FAT3: variants seen among roughly 807,000 people sequenced by gnomAD.
The protein encoded by FAT3 is protocadherin Fat 3.
In FAT3, 95 loss-of-function variants were observed where a neutral mutation model predicts 310.2. That is an observed-to-expected ratio of 0.31 (90% CI 0.26 to 0.36). The LOEUF (loss-of-function observed/expected upper bound fraction) is 0.36, where lower values mean the gene tolerates loss of function less well. FAT3 is among the 10% of genes least tolerant of loss of function. The probability of loss-of-function intolerance (pLI) is 1.00; values close to 1 mark genes in which losing one functional copy is unlikely to be tolerated. For synonymous variants in FAT3, 2,314 were observed against 2,192.9 expected (o/e 1.06, Z -1.54); for missense variants, 5,408 against 5,715.6 (o/e 0.95, Z 1.74).
At chr11:92,757,227 T>C (rs1946026349) in intron 4 of FAT3, among the ~76,000 whole-genome samples, 1 of 152,122 alleles carries the variant, frequency 6.6e-6, no homozygotes, top group African/African-American at 2.4e-5. Flanking sequence ...CCCGGCCTAT[T>C]TGTGGCTCCT....
intron 3 of FAT3, among the ~76,000 whole-genome samples, chr11:92,531,826 T>C (rs1201376150): frequency 6.6e-6 from 1 of 152,150 alleles, no homozygotes; most frequent in Non-Finnish European, 1.5e-5. Flanking sequence ...ACCTCGATAC[T>C]GTGGATGTTT....
chr11:92,580,829 G>C (rs919629903), intron 3 of FAT3, among the ~76,000 whole-genome samples: 12 of 151,984 alleles, frequency 7.9e-5, no homozygotes, highest in Admixed American at 1.3e-4. Flanking sequence ...CACCTCATCT[G>C]AGCCTACATG....
intron 3 of FAT3, among the ~76,000 whole-genome samples, chr11:92,594,921 A>C (rs1254649873): frequency 6.6e-6 from 1 of 152,138 alleles, no homozygotes; most frequent in Non-Finnish European, 1.5e-5. Context: ...TGGTTAGCTT[A>C]AAATAAAGTA....
chr11:92,262,340 G>C (rs1246107322), intron 1 of FAT3, among the ~76,000 whole-genome samples: 3 of 152,070 alleles, frequency 2.0e-5, no homozygotes, highest in Non-Finnish European at 4.4e-5. Flanking sequence ...TTGCTTCAAT[G>C]GTTCTTTTGA....
intron 10 of FAT3, 22 bp from the exon 11 acceptor site, chr11:92,805,131 T>G: frequency 6.3e-7 from 1 of 1,599,816 alleles, no homozygotes; most frequent in Non-Finnish European, 8.5e-7. Context: ...CTTCAAAAGC[T>G]CTTTTGTTTT....
intron 3 of FAT3, among the ~76,000 whole-genome samples, chr11:92,556,500 T>C (rs184285442): frequency 2.9e-4 from 44 of 152,296 alleles, no homozygotes; most frequent in African/African-American, 1.1e-3. Context: ...ATCCTTTGGT[T>C]CTCTTTTTCT....
chr11:92,598,926 C>G (rs1480255031), intron 3 of FAT3, among the ~76,000 whole-genome samples: 1 of 152,146 alleles, frequency 6.6e-6, no homozygotes, highest in African/African-American at 2.4e-5. Context: ...AAAATAAATA[C>G]TCAATGAATG....
intron 3 of FAT3, among the ~76,000 whole-genome samples, chr11:92,653,026 G>T (rs1358043801): frequency 6.6e-6 from 1 of 152,154 alleles, no homozygotes; most frequent in Non-Finnish European, 1.5e-5. Context: ...GGGCATGGTG[G>T]CACATGCCTG....
intron 1 of FAT3, among the ~76,000 whole-genome samples, chr11:92,325,028 A>G (rs958602121): frequency 1.3e-5 from 2 of 152,228 alleles, no homozygotes; most frequent in African/African-American, 2.4e-5. Flanking sequence ...CGTTTCAAAC[A>G]TGCTAGTTAA....
chr11:92,475,390 T>C (rs748018950), intron 2 of FAT3, among the ~76,000 whole-genome samples: 1 of 152,098 alleles, frequency 6.6e-6, no homozygotes, highest in Admixed American at 6.6e-5. Context: ...TGATGAACAA[T>C]AGATGTGGAT....
rs143124200 is a variant in FAT3 at position 92,860,573 on chromosome 11, C to T, written c.11658+1251C>T. Among the ~76,000 whole-genome samples, 7 of 152,178 alleles carry T rather than the reference C, an allele frequency of 4.6e-5. No individual in the cohort carries two copies. The East Asian group carries it at 1.3e-3, about 29-fold the overall frequency. On this transcript the variant is annotated intron_variant, in intron 21 of 27. Transcript: ENST00000525166. ...TCTTCAGAAACATTCAGAGTCCGTC[C>T]AGTGGAAAATGCCTTTTCACCTGGA...
chr11:92,696,937 T>A (rs1259305730), intron 3 of FAT3, among the ~76,000 whole-genome samples: 1 of 152,218 alleles, frequency 6.6e-6, no homozygotes, highest in East Asian at 1.9e-4. Flanking sequence ...TTGTCAAGTA[T>A]AACAAAAATT....
intron 3 of FAT3, among the ~76,000 whole-genome samples, chr11:92,548,289 A>G (rs546374842): frequency 6.6e-6 from 1 of 152,112 alleles, no homozygotes; most frequent in South Asian, 2.1e-4. Context: ...GGCTTTTATC[A>G]CCCGTTATGC....
intron 3 of FAT3, among the ~76,000 whole-genome samples, chr11:92,564,094 G>A (rs377071292): frequency 2.2e-4 from 34 of 152,236 alleles, no homozygotes; most frequent in Middle Eastern, 3.4e-3. Flanking sequence ...AGACTGGCAA[G>A]TTGGATAAAG....
In FAT3 at chr11:92,353,021, T is replaced by C. The variant is rs1034025851; in HGVS notation, c.909T>C (p.Ile303=). 2 of 1,613,760 alleles carry C rather than the reference T, an allele frequency of 1.2e-6. No individual in the cohort carries two copies. The highest frequency in any genetic ancestry group is 2.2e-5 in the East Asian group (1 of 44,870). Residue 303 remains isoleucine, a synonymous_variant, in exon 2 of 28, where the codon ATT becomes ATC. Transcript: ENST00000525166. ...ATGGAGAGATCGAATCTGTTTCCATTGTGGCTGGGGATCCTTTAGATCAGT... is the reference window on the plus strand; with the variant it reads ...ATGGAGAGATCGAATCTGTTTCCATCGTGGCTGGGGATCCTTTAGATCAGT... ...GANGEIESVS[I]VAGDPLDQFF...
At chr11:92,543,469 A>T (rs925987428) in intron 3 of FAT3, among the ~76,000 whole-genome samples, 6 of 152,204 alleles carry the variant, frequency 3.9e-5, no homozygotes, top group Non-Finnish European at 7.4e-5. Flanking sequence ...AATGTATGTA[A>T]GTTTCTTTTT....
chr11:92,498,385 C>T, intron 2 of FAT3: 1 of 223,546 alleles, frequency 4.5e-6, no homozygotes, highest in South Asian at 7.9e-5. Flanking sequence ...TATTTATTGA[C>T]CATTTCTTTC....
At chr11:92,492,480 A>G (rs2509653) in intron 2 of FAT3, among the ~76,000 whole-genome samples, 54,835 of 151,988 alleles carry the variant, frequency 0.36, 10,956 homozygotes, top group Middle Eastern at 0.54. Context: ...TGAATAATCT[A>G]AAACAGTGAT....
At chr11:92,227,236 T>C (rs1182496459) in intron 1 of FAT3, among the ~76,000 whole-genome samples, 1 of 152,186 alleles carries the variant, frequency 6.6e-6, no homozygotes, top group African/African-American at 2.4e-5. Flanking sequence ...ATTAATTTTC[T>C]GGCCCCGACG....
Sources: allele counts gnomAD v4.1 joint callset (sites outside exome capture counted in the v4.1 genomes callset), GRCh38; gene constraint gnomAD v4.1.1; transcripts MANE v1.5; gene names NCBI Gene and HGNC (gene_info 2026-07-23, HGNC 2026-07-21).